USP9Y: variants seen among roughly 807,000 people sequenced by gnomAD.
The protein encoded by USP9Y is ubiquitin specific peptidase 9 Y-linked.
A neutral mutation model predicts 53.1 loss-of-function variants in USP9Y; 41 were observed. The ratio of observed to expected loss-of-function variants is 0.77; its 90% CI spans 0.60 to 1.00. The LOEUF (loss-of-function observed/expected upper bound fraction) is 1.00. Among genes scored for constraint, USP9Y ranks in the 50% least tolerant of loss-of-function variants. The pLI is 0.00. For synonymous variants in USP9Y, 220 were observed against 173.7 expected, an observed-to-expected ratio of 1.27 and a Z score of -2.09; for missense variants, 567 against 535.8, an observed-to-expected ratio of 1.06 and a Z score of -0.58.
Position 12,786,740 on chromosome Y carries a change from T to C in USP9Y, c.3501T>C (p.His1167=). 2.5e-6 allele frequency: 1 copy of C among 396,650 alleles called. No homozygotes were observed. Among genetic ancestry groups the C allele is most frequent in the African/African-American group, 6.4e-5 (1 of 15,662 alleles). Reference sequence around the variant, plus strand: ...TGTTAACTGCGATTGGCTATGGCCATGTTCGAGCTGTAGCAGAAGCTTGTC... The same window carrying C: ...TGTTAACTGCGATTGGCTATGGCCACGTTCGAGCTGTAGCAGAAGCTTGTC... ...KLLLTAIGYG[H]VRAVAEACQP... The change falls in exon 24 of 46, where the codon CAT becomes CAC. Residue 1167 remains histidine (H), a synonymous_variant. Transcript: ENST00000338981.
chrY:12,814,356 G>A, intron 31 of USP9Y, among the ~76,000 whole-genome samples: 1 of 25,836 alleles, frequency 3.9e-5, no homozygotes, highest in African/African-American at 1.5e-4. Context: ...GTGAAACCCC[G>A]TCTCTACTAA....
intron 30 of USP9Y, among the ~76,000 whole-genome samples, chrY:12,812,515 A>T (rs2053532028): frequency 8.9e-5 from 3 of 33,723 alleles, no homozygotes; most frequent in Non-Finnish European, 2.2e-4. Flanking sequence ...CAAGAAAAAG[A>T]ATATAACTTT....
intron 12 of USP9Y, among the ~76,000 whole-genome samples, chrY:12,749,514 C>CT (rs2053462568): frequency 3.0e-5 from 1 of 33,308 alleles, no homozygotes; most frequent in African/African-American, 1.2e-4. Context: ...CCCATGTGGC[C>CT]TTAGTGCTCT....
At chrY:12,796,539 C>T in intron 27 of USP9Y, among the ~76,000 whole-genome samples, 3 of 18,640 alleles carry the variant, frequency 1.6e-4, no homozygotes, top group African/African-American at 6.4e-4. Flanking sequence ...CCAGCCTGGG[C>T]GGCTAAGTGA....
chrY:12,811,750 G>A lies in USP9Y; in HGVS notation c.4355G>A (p.Gly1452Asp). Residue 1452 changes from glycine to aspartate, a missense_variant, in exon 30 of 46, where the codon GGT becomes GAT. By Grantham distance (94) the Gly-to-Asp change is moderately conservative (BLOSUM62 -1). Transcript: ENST00000338981. ...ACTTCTGAGAAAAAGTATCACTTTG[G>A]TTGTGAAAAAGGAGGTGCTAATCTC... ...FQTSEKKYHF[G>D]CEKGGANLIK... 1 of 398,150 alleles carries A rather than the reference G, an allele frequency of 2.5e-6. No homozygotes were observed. Among genetic ancestry groups the A allele is most frequent in the East Asian group, 9.2e-5 (1 of 10,836 alleles).
chrY:12,771,642 A>G (rs760702190), intron 16 of USP9Y, among the ~76,000 whole-genome samples: 1 of 33,714 alleles, frequency 3.0e-5, no homozygotes, highest in South Asian at 6.5e-4. Flanking sequence ...GTTTTATAAA[A>G]TTTACTGAAT....
chrY:12,734,153 G>T, intron 7 of USP9Y, among the ~76,000 whole-genome samples: 1 of 33,777 alleles, frequency 3.0e-5, no homozygotes, highest in Non-Finnish European at 7.3e-5. Flanking sequence ...TTCCCTTGGA[G>T]ACTTCACAAA....
intron 15 of USP9Y, among the ~76,000 whole-genome samples, chrY:12,767,723 A>C: frequency 3.1e-5 from 1 of 32,477 alleles, no homozygotes; most frequent in Non-Finnish European, 7.5e-5. Context: ...ATGCATATCA[A>C]ACAATTCAGC....
intron 27 of USP9Y, among the ~76,000 whole-genome samples, chrY:12,797,851 G>A (rs2053515152): frequency 6.0e-5 from 2 of 33,485 alleles, no homozygotes; most frequent in Non-Finnish European, 1.5e-4. Context: ...TTAAATAAAA[G>A]CCATCTGATG....
intron 20 of USP9Y, 48 bp downstream of exon 20, chrY:12,778,307 G>A: frequency 3.1e-6 from 1 of 323,224 alleles, no homozygotes; most frequent in South Asian, 3.6e-5. Flanking sequence ...AAATGTTGAG[G>A]CTATATTAGT....
At chrY:12,724,124 A>C (rs2053439124) in intron 5 of USP9Y, among the ~76,000 whole-genome samples, 2 of 34,137 alleles carry the variant, frequency 5.9e-5, no homozygotes, top group Non-Finnish European at 1.5e-4. Context: ...ATTGATATTC[A>C]GTGGATGTAT....
In USP9Y at chrY:12,860,624, G is replaced by GA. The variant is rs2053583336; in HGVS notation, c.*1214dup. On this transcript the variant is annotated 3_prime_UTR_variant, in exon 46 of 46. Coordinates refer to ENST00000338981, the MANE Select transcript of USP9Y (RefSeq NM_004654.4). ...AATGTAATTCTAAGGTACCATTTTA[G>GA]AAAAAACATTTGTTTTAAGATTCCA... is the stretch of plus-strand genomic sequence containing the variant. 2 of 32,958 alleles carry GA rather than the reference G, an allele frequency of 6.1e-5. No individual in the cohort carries two copies. The highest frequency in any genetic ancestry group is 7.5e-5 in the Non-Finnish European group (1 of 13,352). 8.2% of individuals were successfully genotyped at this position (32,958 alleles called of 400,897 possible).
At chrY:12,799,110 G>A in intron 27 of USP9Y, among the ~76,000 whole-genome samples, 5 of 31,788 alleles carry the variant, frequency 1.6e-4, no homozygotes, top group African/African-American at 2.5e-4. Context: ...TGATCCTCCC[G>A]CCTCCCAAAG....
At chrY:12,818,772 T>C (rs112133066) in intron 33 of USP9Y, among the ~76,000 whole-genome samples, 162 bp downstream of exon 33, 2 of 34,160 alleles carry the variant, frequency 5.9e-5, no homozygotes, top group African/African-American at 1.1e-4. Flanking sequence ...ATTTTCCCAA[T>C]AGAATGTTTT....
intron 33 of USP9Y, among the ~76,000 whole-genome samples, chrY:12,833,139 G>A: frequency 3.1e-5 from 1 of 32,705 alleles, no homozygotes; most frequent in Non-Finnish European, 7.5e-5. Flanking sequence ...TCTTTCAGCA[G>A]CATTAGTTCT....
chrY:12,751,223 G>T (rs2148283145), intron 12 of USP9Y, among the ~76,000 whole-genome samples: 1 of 31,578 alleles, frequency 3.2e-5, no homozygotes, highest in Non-Finnish European at 7.7e-5. Context: ...TGTTGGCCAG[G>T]GTGGTCTCAA....
chrY:12,720,798 T>C, intron 4 of USP9Y, 61 bp downstream of exon 4: 1 of 334,265 alleles, frequency 3.0e-6, no homozygotes, highest in Non-Finnish European at 4.4e-6. Context: ...CAAAACTACT[T>C]CCAGCATTGC....
chrY:12,819,794 T>C, intron 33 of USP9Y, among the ~76,000 whole-genome samples: 1 of 31,663 alleles, frequency 3.2e-5, no homozygotes, highest in Non-Finnish European at 7.6e-5. Flanking sequence ...TTCCCTAACA[T>C]CCTCCAAAAG....
At chrY:12,707,030 G>T in intron 1 of USP9Y, among the ~76,000 whole-genome samples, 1 of 33,490 alleles carries the variant, frequency 3.0e-5, no homozygotes. Context: ...GATTGAAAGG[G>T]TATGTGTGTA....
Sources: gnomAD v4.1 joint callset for allele counts (sites outside exome capture counted in the v4.1 genomes callset) on GRCh38, gnomAD v4.1.1 for gene constraint, MANE v1.5 for transcripts, NCBI Gene and HGNC (gene_info 2026-07-23, HGNC 2026-07-21) for gene names.